The following REDIC1 variants were observed in gnomAD, a reference collection of about 807,000 sequenced individuals.
REDIC1 encodes regulator of DNA class I crossover intermediates 1.
the REDIC1 span, among the ~76,000 whole-genome samples, chr12:39,832,501 A>T: frequency 1.3e-5 from 2 of 152,084 alleles, no homozygotes; most frequent in Admixed American, 1.3e-4. Context: ...GATGTCATCC[A>T]TAACAAATAA....
the REDIC1 span, among the ~76,000 whole-genome samples, chr12:39,699,225 G>A: frequency 0.05 from 7,538 of 152,230 alleles, 648 homozygotes; most frequent in African/African-American, 0.17. Context: ...GACAGTGGGC[G>A]CAGGTCAGTG....
the REDIC1 span, among the ~76,000 whole-genome samples, chr12:39,784,406 G>A: frequency 1.3e-5 from 2 of 152,054 alleles, no homozygotes; most frequent in African/African-American, 2.4e-5. Context: ...AACAGAGCCC[G>A]CAGAAATAAT....
the REDIC1 span, among the ~76,000 whole-genome samples, chr12:39,795,373 T>C: frequency 1.1e-4 from 17 of 152,184 alleles, no homozygotes; most frequent in Non-Finnish European, 2.4e-4. Context: ...TTTATAATTA[T>C]AGTTATAAAT....
the REDIC1 span, among the ~76,000 whole-genome samples, chr12:39,821,189 G>A: frequency 6.6e-6 from 1 of 152,060 alleles, no homozygotes; most frequent in Non-Finnish European, 1.5e-5. Flanking sequence ...CAAGGCGGGC[G>A]GATCATGAGG....
the REDIC1 span, among the ~76,000 whole-genome samples, chr12:39,671,296 C>G: frequency 3.7e-4 from 57 of 152,172 alleles, 1 homozygote; most frequent in Admixed American, 2.4e-3. Flanking sequence ...ATTTCTTTAA[C>G]TGTACACACC....
At chr12:39,693,966 G>T in the REDIC1 span, among the ~76,000 whole-genome samples, 1 of 152,198 alleles carries the variant, frequency 6.6e-6, no homozygotes, top group Non-Finnish European at 1.5e-5. Context: ...CAGGGATTGT[G>T]GTCAAACTTA....
At chr12:39,686,493 G>A in the REDIC1 span, among the ~76,000 whole-genome samples, 2 of 152,216 alleles carry the variant, frequency 1.3e-5, no homozygotes, top group Non-Finnish European at 2.9e-5. Context: ...GGGATACAGG[G>A]AGCAGTGTTC....
the REDIC1 span, among the ~76,000 whole-genome samples, chr12:39,690,213 C>A: frequency 6.6e-6 from 1 of 152,126 alleles, no homozygotes; most frequent in Admixed American, 6.6e-5. Flanking sequence ...AAGAGACATA[C>A]GGGCTAAAAC....
the REDIC1 span, among the ~76,000 whole-genome samples, chr12:39,711,468 CATAT>C: frequency 1.5e-4 from 21 of 139,744 alleles, no homozygotes; most frequent in African/African-American, 5.5e-4. Context: ...TATACACATA[CATAT>C]ATGTATGTGT....
the REDIC1 span, among the ~76,000 whole-genome samples, chr12:39,640,005 G>A: frequency 1.3e-5 from 2 of 150,866 alleles, no homozygotes; most frequent in South Asian, 2.1e-4. Flanking sequence ...TTGGTCTTCA[G>A]TGCTGTATTT....
chr12:39,703,721 C>A, the REDIC1 span, among the ~76,000 whole-genome samples: 3 of 152,010 alleles, frequency 2.0e-5, no homozygotes, highest in Non-Finnish European at 2.9e-5. Context: ...GGTACTGGTA[C>A]CAAAAGAGAG....
chr12:39,843,158 A>AT, the REDIC1 span, among the ~76,000 whole-genome samples: 1 of 152,066 alleles, frequency 6.6e-6, no homozygotes, highest in Non-Finnish European at 1.5e-5. Context: ...GCTGGGTCAT[A>AT]TAACTATACA....
the REDIC1 span, among the ~76,000 whole-genome samples, chr12:39,775,573 C>A: frequency 6.6e-6 from 1 of 152,192 alleles, no homozygotes; most frequent in Non-Finnish European, 1.5e-5. Context: ...CTTTGAAGTT[C>A]TTTCTCTTAT....
the REDIC1 span, among the ~76,000 whole-genome samples, chr12:39,681,464 T>C: frequency 6.6e-6 from 1 of 152,156 alleles, no homozygotes; most frequent in Non-Finnish European, 1.5e-5. Flanking sequence ...CCAAAAACTA[T>C]TGAAAGAATA....
chr12:39,789,247 T>C, the REDIC1 span, among the ~76,000 whole-genome samples: 2 of 151,938 alleles, frequency 1.3e-5, no homozygotes, highest in Non-Finnish European at 2.9e-5. Context: ...TTTCTACGCA[T>C]GTACTCCTAA....
At chr12:39,712,506 T>C in the REDIC1 span, among the ~76,000 whole-genome samples, 3 of 142,494 alleles carry the variant, frequency 2.1e-5, no homozygotes, top group East Asian at 2.1e-4. Context: ...CGTATATACG[T>C]ATGTACGTAT....
the REDIC1 span, among the ~76,000 whole-genome samples, chr12:39,641,701 G>C: frequency 6.6e-6 from 1 of 151,380 alleles, no homozygotes; most frequent in Non-Finnish European, 1.5e-5. Context: ...CAGAATATAA[G>C]CAGTAAGATT....
chr12:39,741,218 G>A, the REDIC1 span, among the ~76,000 whole-genome samples: 1 of 152,064 alleles, frequency 6.6e-6, no homozygotes, highest in Non-Finnish European at 1.5e-5. Context: ...AAACAATTTC[G>A]TTTGCCTTCA....
At chr12:39,721,251 A>T in the REDIC1 span, 2 of 1,607,830 alleles carry the variant, frequency 1.2e-6, no homozygotes, top group African/African-American at 2.7e-5. Flanking sequence ...AGAACAACTA[A>T]TATTCTAAAA....
Sources: gnomAD v4.1 joint callset for allele counts (sites outside exome capture counted in the v4.1 genomes callset) on GRCh38, gnomAD v4.1.1 for gene constraint, MANE v1.5 for transcripts, NCBI Gene and HGNC (gene_info 2026-07-23, HGNC 2026-07-21) for gene names.